ANO2: variants seen among roughly 807,000 people sequenced by gnomAD.
The protein encoded by ANO2 is anoctamin-2.
ANO2 carries 101 observed loss-of-function variants against 124.2 expected under a neutral mutation model. The observed-to-expected ratio is 0.81, with a 90% CI of 0.69 to 0.96. ANO2 has a LOEUF of 0.96. Ranked by LOEUF, ANO2 falls within the 40% of genes least tolerant of loss-of-function variation. The pLI is 0.00. For synonymous variants in ANO2, 486 were observed against 482.5 expected (o/e 1.01, Z -0.09); for missense variants, 1,293 against 1,274.5 (o/e 1.01, Z -0.22).
At chr12:5,665,082 C>T (rs1392368673) in intron 14 of ANO2, among the ~76,000 whole-genome samples, 1 of 152,122 alleles carries the variant, frequency 6.6e-6, no homozygotes, top group East Asian at 1.9e-4. Flanking sequence ...CAACCCCTTG[C>T]ATCTCCGTGA....
At chr12:5,910,911 C>T (rs1002670607) in intron 3 of ANO2, among the ~76,000 whole-genome samples, 1 of 152,208 alleles carries the variant, frequency 6.6e-6, no homozygotes, top group Non-Finnish European at 1.5e-5. Context: ...TTCACACTTG[C>T]ACAGTCCACG....
chr12:5,623,055 G>T (rs1165508336), intron 16 of ANO2, among the ~76,000 whole-genome samples: 2 of 152,088 alleles, frequency 1.3e-5, no homozygotes, highest in East Asian at 3.9e-4. Flanking sequence ...GGTGGGGTGG[G>T]GTGACATCTG....
At chr12:5,794,166 C>A (rs1952779699) in intron 10 of ANO2, among the ~76,000 whole-genome samples, 1 of 152,220 alleles carries the variant, frequency 6.6e-6, no homozygotes, top group Non-Finnish European at 1.5e-5. Context: ...TCCTTCCAGG[C>A]TGCAAAATGT....
At position 5,866,436 on chromosome 12, in the gene ANO2, T is replaced by C. The variant is rs537170085; in HGVS notation, c.535-12295A>G. Among the ~76,000 whole-genome samples, 6 of 152,320 alleles carry C rather than the reference T, an allele frequency of 3.9e-5. No homozygotes were observed. In the South Asian group the frequency reaches 1.2e-3, roughly 32 times the overall value. On this transcript the variant is annotated intron_variant, in intron 3 of 24. Transcript: ENST00000682330. Reference sequence around the variant, plus strand: ...GATCACACGAGCTTATAAATTCCCTTTGTTGTTTGAGCTGGTTTGAGTTGG... The same window carrying C: ...GATCACACGAGCTTATAAATTCCCTCTGTTGTTTGAGCTGGTTTGAGTTGG...
chr12:5,831,902 G>T (rs929034713), intron 5 of ANO2, among the ~76,000 whole-genome samples: 2 of 152,072 alleles, frequency 1.3e-5, no homozygotes, highest in Non-Finnish European at 2.9e-5. Context: ...CCCAGCTGTG[G>T]CTCCCCCTTC....
intron 9 of ANO2, among the ~76,000 whole-genome samples, chr12:5,805,612 A>G (rs1953166211): frequency 6.6e-6 from 1 of 152,188 alleles, no homozygotes. Context: ...ATGGATCATC[A>G]CATGTTTTAA....
At chr12:5,848,916 G>A (rs1379838689) in intron 4 of ANO2, among the ~76,000 whole-genome samples, 2 of 152,108 alleles carry the variant, frequency 1.3e-5, no homozygotes, top group East Asian at 1.9e-4. Flanking sequence ...CAGTAACAAC[G>A]GCAATTCTCA....
chr12:5,789,169 T>G (rs866414414), intron 10 of ANO2, among the ~76,000 whole-genome samples: 12 of 152,232 alleles, frequency 7.9e-5, no homozygotes, highest in African/African-American at 2.4e-4. Flanking sequence ...AGGCACCAGC[T>G]TGGGCTTTCA....
At chr12:5,909,389 C>A (rs906016488) in intron 3 of ANO2, among the ~76,000 whole-genome samples, 2 of 152,156 alleles carry the variant, frequency 1.3e-5, no homozygotes, top group Non-Finnish European at 2.9e-5. Flanking sequence ...AAAACTTTAT[C>A]AATTTTTTTA....
At chr12:5,615,161 C>T in intron 17 of ANO2, 25 bp downstream of exon 17, 1 of 1,596,278 alleles carries the variant, frequency 6.3e-7, no homozygotes, top group Non-Finnish European at 8.6e-7. Flanking sequence ...AATTGCCTTT[C>T]TACACATGAC....
At chr12:5,718,282 T>C (rs1355702949) in intron 14 of ANO2, among the ~76,000 whole-genome samples, 1 of 152,256 alleles carries the variant, frequency 6.6e-6, no homozygotes, top group African/African-American at 2.4e-5. Flanking sequence ...ATCTTTTAGA[T>C]GTGGTGCCTC....
intron 14 of ANO2, among the ~76,000 whole-genome samples, chr12:5,700,610 T>C (rs1035627595): frequency 1.3e-5 from 2 of 151,656 alleles, no homozygotes; most frequent in Non-Finnish European, 2.9e-5. Context: ...CTGAAGGAGA[T>C]AGAGATACAA....
rs138234615 is a variant in ANO2 at position 5,743,445 on chromosome 12, C to T, written c.1351+712G>A. Among the ~76,000 whole-genome samples, 190 of 150,848 alleles carry T rather than the reference C, an allele frequency of 1.3e-3. 3 individuals carry two copies. In the East Asian group the frequency reaches 0.036, roughly 29 times the overall value. On this transcript the variant is annotated intron_variant, in intron 12 of 24. Transcript: ENST00000682330. Reference sequence around the variant, plus strand: ...CTCAGTTACCATGGGGTGGTTATCCCGCGTTATTCCAGTTTGTGAGAATAG... The same window carrying T: ...CTCAGTTACCATGGGGTGGTTATCCTGCGTTATTCCAGTTTGTGAGAATAG...
intron 3 of ANO2, among the ~76,000 whole-genome samples, chr12:5,893,032 T>A (rs1939518193): frequency 6.6e-6 from 1 of 152,152 alleles, no homozygotes; most frequent in Non-Finnish European, 1.5e-5. Context: ...CTTTACTGCA[T>A]TTGAAGTGGT....
At chr12:5,758,172 T>C (rs1951636204) in intron 10 of ANO2, among the ~76,000 whole-genome samples, 1 of 152,144 alleles carries the variant, frequency 6.6e-6, no homozygotes, top group African/African-American at 2.4e-5. Flanking sequence ...ATACAGCCGA[T>C]GGTACTTGGT....
chr12:5,780,852 C>G (rs572173108), intron 10 of ANO2, among the ~76,000 whole-genome samples: 1 of 152,270 alleles, frequency 6.6e-6, no homozygotes, highest in South Asian at 2.1e-4. Flanking sequence ...CTGGAAACAG[C>G]TTTTGGAAGG....
At chr12:5,872,014 C>G (rs945959580) in intron 3 of ANO2, among the ~76,000 whole-genome samples, 3 of 152,216 alleles carry the variant, frequency 2.0e-5, no homozygotes, top group Non-Finnish European at 4.4e-5. Context: ...CTTCTAACTT[C>G]TTTTTACTCA....
chr12:5,736,330 C>A (rs1305704227), intron 13 of ANO2, among the ~76,000 whole-genome samples: 1 of 152,182 alleles, frequency 6.6e-6, no homozygotes, highest in African/African-American at 2.4e-5. Context: ...CTGAAGGCAC[C>A]CAGGTGGGAG....
At chr12:5,710,035 T>C (rs1949754846) in intron 14 of ANO2, among the ~76,000 whole-genome samples, 1 of 152,222 alleles carries the variant, frequency 6.6e-6, no homozygotes, top group South Asian at 2.1e-4. Context: ...GGAGAAATGC[T>C]AGCCAGGAGG....
Sources: gnomAD v4.1 joint callset for allele counts (sites outside exome capture counted in the v4.1 genomes callset) on GRCh38, gnomAD v4.1.1 for gene constraint, MANE v1.5 for transcripts, NCBI Gene and HGNC (gene_info 2026-07-23, HGNC 2026-07-21) for gene names.